Variants in WDR75 observed in about 807,000 individuals in gnomAD.
WDR75 encodes the protein WD repeat-containing protein 75.
WDR75 carries 52 observed loss-of-function variants against 106.1 expected under a neutral mutation model. The ratio of observed to expected loss-of-function variants is 0.49; its 90% CI spans 0.39 to 0.62. The LOEUF (loss-of-function observed/expected upper bound fraction) is 0.62. WDR75 is among the 20% of genes least tolerant of loss of function. WDR75 has a pLI of 0.00. For synonymous variants in WDR75, 333 were observed against 335.5 expected (o/e 0.99, Z 0.08); for missense variants, 905 against 970.3 (o/e 0.93, Z 0.89).
In WDR75 at chr2:189,450,436, C is replaced by T. The variant is rs981114374; in HGVS notation, c.217-467C>T. Reference sequence around the variant, plus strand: ...TACAGCGATGTGATTGATCTCAGCTCACTGCAACCTCAGCCTCCCAAGTAG... The same window carrying T: ...TACAGCGATGTGATTGATCTCAGCTTACTGCAACCTCAGCCTCCCAAGTAG... On this transcript the variant is annotated intron_variant, in intron 2 of 20. Transcript: ENST00000314761. 5.8e-5 allele frequency: 52 copies of T among 894,902 alleles called. No homozygotes were observed. The African/African-American group carries it at 9.1e-4, about 16-fold the overall frequency. 55.4% of individuals were successfully genotyped at this position (894,902 alleles called of 1,614,324 possible). A position where few individuals can be genotyped will look rare whatever the true frequency, so the allele number is the denominator to read the frequency against.
chr2:189,474,371 C>A, intron 19 of WDR75, 39 bp downstream of exon 19: 1 of 1,571,976 alleles, frequency 6.4e-7, no homozygotes, highest in Non-Finnish European at 8.6e-7. Flanking sequence ...AGATTAAATG[C>A]ACTTAAAGCA....
In WDR75 at chr2:189,450,761, TATAA is replaced by T. The variant is rs1686601413; in HGVS notation, c.217-135_217-132del. ...TGAAAAGATTGTTTTGCAGAAGCAA[TATAA>T]ATAAATGACTCTACCTCTTTAAGGT... is the stretch of plus-strand genomic sequence containing the variant. On this transcript the variant is annotated intron_variant, in intron 2 of 20. Transcript: ENST00000314761. 79 of 1,444,698 alleles carry T rather than the reference TATAA, an allele frequency of 5.5e-5. 1 individual carries two copies. In the South Asian group the frequency reaches 1.1e-3, roughly 20 times the overall value. The allele number at this position is 1,444,698 out of a possible 1,614,324, so 89.5% of individuals were successfully genotyped here. A position where few individuals can be genotyped will look rare whatever the true frequency, so the allele number is the denominator to read the frequency against.
At chr2:189,441,617 G>A in intron 1 of WDR75, 39 bp downstream of exon 1, 1 of 1,546,818 alleles carries the variant, frequency 6.5e-7, no homozygotes, top group Non-Finnish European at 8.8e-7. Context: ...GAGGGGCGGG[G>A]CGTGAGTTTC....
At position 189,442,442 on chromosome 2, in the gene WDR75, CT is replaced by C. The variant is rs1188214718; in HGVS notation, c.86+890del. On this transcript the variant is annotated intron_variant, in intron 1 of 20. Transcript: ENST00000314761. ...GAAAGTTTGTAGCCTCCACAATATT[CT>C]TTTTTTTTTTTTTTTTTTTTTTTTT... Among the ~76,000 whole-genome samples, 502 of 73,868 alleles carry C rather than the reference CT, an allele frequency of 6.8e-3. 3 individuals carry two copies. Among genetic ancestry groups the C allele is most frequent in the African/African-American group, 0.025 (448 of 18,076 alleles). The allele number at this position is 73,868 out of a possible 152,430, so 48.5% of individuals were successfully genotyped here.
Position 189,441,555 on chromosome 2 carries a change from A to G in WDR75, c.63A>G (p.Arg21=). The G allele has an allele frequency of 6.4e-7, 1 of 1,560,970 alleles. No individual in the cohort carries two copies. The highest frequency in any genetic ancestry group is 1.2e-5 in the South Asian group (1 of 84,792). The part of the protein sequence containing the change: ...RCGGSELNFR[R]AVFSADSKYI... ...GCGGCAGCGAGTTGAACTTTAGGAG[A>G]GCTGTGTTCTCTGCAGATTCTAAGT... Residue 21 remains arginine (R), a synonymous_variant, in exon 1 of 21, where the codon AGA becomes AGG. Coordinates refer to ENST00000314761, the MANE Select transcript of WDR75 (RefSeq NM_032168.3).
intron 14 of WDR75, 119 bp from the exon 15 acceptor site, chr2:189,468,356 A>AAT (rs1158206007): frequency 1.2e-6 from 1 of 818,784 alleles, no homozygotes; most frequent in Non-Finnish European, 1.9e-6. Flanking sequence ...TATAAACAAA[A>AAT]ATATATATGT....
Position 189,470,884 on chromosome 2 carries a change from T to A in WDR75, c.2049+6T>A. On this transcript the variant is annotated splice_donor_region_variant and intron_variant, in intron 18 of 20. Transcript: ENST00000314761. The stretch of plus-strand genomic sequence containing the variant: ...TCACACCAACAAGCAAACAGGTATG[T>A]TTTAGCCATTCATAGCAGGATGTAT... 1 of 1,598,918 alleles carries A rather than the reference T, an allele frequency of 6.3e-7. No individual in the cohort carries two copies. Among genetic ancestry groups the A allele is most frequent in the African/African-American group, 1.3e-5 (1 of 74,402 alleles).
chr2:189,474,951 TAAGTC>T lies in WDR75; in HGVS notation c.2288+148_2288+152del, dbSNP rs1687183895. On this transcript the variant is annotated intron_variant, in intron 20 of 20. Coordinates refer to ENST00000314761, the MANE Select transcript of WDR75 (RefSeq NM_032168.3). ...ATAGATTTAAAGGCTATAGGATTAT[TAAGTC>T]AAGTAACATACATTGAAAATAAGTT... 17 of 777,994 alleles carry T rather than the reference TAAGTC, an allele frequency of 2.2e-5. No homozygotes were observed. The South Asian group carries it at 2.6e-4, about 12-fold the overall frequency. The allele number at this position is 777,994 out of a possible 1,614,324, so 48.2% of individuals were successfully genotyped here.
chr2:189,462,780 T>C, intron 9 of WDR75, 138 bp downstream of exon 9: 1 of 728,208 alleles, frequency 1.4e-6, no homozygotes, highest in Non-Finnish European at 2.1e-6. Flanking sequence ...CTTGCATTAC[T>C]CCTCTCTTTT....
intron 2 of WDR75, chr2:189,448,982 C>T: frequency 2.4e-6 from 1 of 414,466 alleles, no homozygotes; most frequent in Non-Finnish European, 4.9e-6. Flanking sequence ...TAGATATTGC[C>T]TAGTCTTAAG....
chr2:189,451,294 T>G (rs7586032), intron 3 of WDR75, among the ~76,000 whole-genome samples: 1 of 152,008 alleles, frequency 6.6e-6, no homozygotes, highest in Non-Finnish European at 1.5e-5. Flanking sequence ...ATACAAATAG[T>G]CAATAAATAT....
At chr2:189,462,337 A>T in intron 8 of WDR75, 147 bp from the exon 9 acceptor site, 1 of 857,362 alleles carries the variant, frequency 1.2e-6, no homozygotes, top group Non-Finnish European at 1.7e-6. Context: ...TCTTCAGAGT[A>T]TATTAAAAGA....
chr2:189,451,912 T>C lies in WDR75; in HGVS notation c.373+17T>C. On this transcript the variant is annotated intron_variant, in intron 4 of 20. Coordinates refer to ENST00000314761, the MANE Select transcript of WDR75 (RefSeq NM_032168.3). ...AAAAACCAGGTATGGTATAATTAAC[T>C]TACTATATATGGCATTGAGTGGCTC... 1 of 1,587,894 alleles carries C rather than the reference T, an allele frequency of 6.3e-7. No individual in the cohort carries two copies. Among genetic ancestry groups the C allele is most frequent in the South Asian group, 1.1e-5 (1 of 90,312 alleles).
chr2:189,459,305 T>C, intron 7 of WDR75, 31 bp from the exon 8 acceptor site: 1 of 1,540,272 alleles, frequency 6.5e-7, no homozygotes, highest in Non-Finnish European at 8.9e-7. Flanking sequence ...AAACCTATGG[T>C]CAAAATAAGA....
In WDR75 at chr2:189,468,399, G is replaced by A. The variant is rs140644304; in HGVS notation, c.1629-76G>A. ...AAAATCTGCATTACATAGAACAGCC[G>A]CTGGAAGCCTGCAGTTCTTTGTAAC... On this transcript the variant is annotated intron_variant, in intron 14 of 20. Transcript: ENST00000314761. 1.3e-4 allele frequency: 169 copies of A among 1,346,386 alleles called. 2 individuals are homozygous for A. The East Asian group carries it at 3.5e-3, about 28-fold the overall frequency. The allele number at this position is 1,346,386 out of a possible 1,614,324, so 83.4% of individuals were successfully genotyped here.
intron 10 of WDR75, 27 bp from the exon 11 acceptor site, chr2:189,463,817 TCA>T: frequency 6.2e-7 from 1 of 1,613,518 alleles, no homozygotes; most frequent in South Asian, 1.1e-5. Context: ...TTCTCTTATT[TCA>T]CCTGTTATTT....
chr2:189,468,432 G>T, intron 14 of WDR75, 43 bp from the exon 15 acceptor site: 1 of 1,587,124 alleles, frequency 6.3e-7, no homozygotes, highest in Non-Finnish European at 8.7e-7. Context: ...AACTGAATTT[G>T]CTAGAACTGA....
Position 189,450,926 on chromosome 2 carries a change from C to G in WDR75, c.240C>G (p.Gly80=), listed in dbSNP as rs1385125449. The G allele has an allele frequency of 6.2e-7, 1 of 1,610,626 alleles. No homozygotes were observed. ...HLQLYSCSLD[G]TIKLWDYIDG... ...AGCTGTATTCTTGTTCCCTTGATGG[C>G]ACAATTAAACTGTGGGACTATATAG... The change falls in exon 3 of 21, where the codon GGC becomes GGG. Residue 80 remains glycine, a synonymous_variant. Coordinates refer to ENST00000314761, the MANE Select transcript of WDR75 (RefSeq NM_032168.3).
rs1168093274 is a variant in WDR75, at chr2:189,449,489, A to T, written c.216+981A>T. 5.5e-6 allele frequency: 6 copies of T among 1,095,418 alleles called. No individual in the cohort carries two copies. In the African/African-American group the frequency reaches 9.8e-5, roughly 18 times the overall value. The allele number at this position is 1,095,418 out of a possible 1,614,324, so 67.9% of individuals were successfully genotyped here. A position where few individuals can be genotyped will look rare whatever the true frequency, so the allele number is the denominator to read the frequency against. ...GAATGTTTTTAATAGCAAAACTATT[A>T]TTTTGTTAAAATTGAAATTTGTGAA... On this transcript the variant is annotated intron_variant, in intron 2 of 20. Coordinates refer to ENST00000314761, the MANE Select transcript of WDR75 (RefSeq NM_032168.3).
Sources: allele counts gnomAD v4.1 joint callset (sites outside exome capture counted in the v4.1 genomes callset), GRCh38; gene constraint gnomAD v4.1.1; transcripts MANE v1.5; gene names NCBI Gene and HGNC (gene_info 2026-07-23, HGNC 2026-07-21).